MACROD2: variants seen among roughly 807,000 people sequenced by gnomAD.
MACROD2 encodes the protein mono-ADP ribosylhydrolase 2.
MACROD2 carries 36 observed loss-of-function variants against 70.4 expected under a neutral mutation model. The observed-to-expected ratio is 0.51, with a 90% CI of 0.39 to 0.68. The LOEUF (loss-of-function observed/expected upper bound fraction) is 0.68, where lower values mean the gene tolerates loss of function less well. Among genes scored for constraint, MACROD2 ranks in the 30% least tolerant of loss-of-function variants. The pLI is 0.00. For missense variants in MACROD2, 496 were observed against 538.4 expected, an observed-to-expected ratio of 0.92 and a Z score of 0.78; for synonymous variants, 172 against 178.8, an observed-to-expected ratio of 0.96 and a Z score of 0.30.
At chr20:15,989,756 T>G (rs1348457070) in intron 15 of MACROD2, among the ~76,000 whole-genome samples, 1 of 152,096 alleles carries the variant, frequency 6.6e-6, no homozygotes, top group Non-Finnish European at 1.5e-5. Context: ...TGTAAAGATA[T>G]TCTTTATAGC....
At chr20:15,439,744 C>G (rs1253536614) in intron 7 of MACROD2, among the ~76,000 whole-genome samples, 1 of 152,178 alleles carries the variant, frequency 6.6e-6, no homozygotes, top group Non-Finnish European at 1.5e-5. Context: ...AGCACTGTTG[C>G]TACTCCAACG....
At chr20:14,519,002 G>C (rs961120101) in intron 4 of MACROD2, among the ~76,000 whole-genome samples, 4 of 152,074 alleles carry the variant, frequency 2.6e-5, no homozygotes, top group African/African-American at 7.2e-5. Flanking sequence ...AAGTTATTCA[G>C]CCCCTAGAAA....
chr20:15,021,197 C>T (rs1442347092), intron 5 of MACROD2, among the ~76,000 whole-genome samples: 3 of 111,630 alleles, frequency 2.7e-5, no homozygotes, highest in African/African-American at 1.1e-4. Flanking sequence ...TATACACACA[C>T]CTGTGTGTAT....
intron 8 of MACROD2, among the ~76,000 whole-genome samples, chr20:15,810,079 T>A (rs2147085393): frequency 6.8e-6 from 1 of 147,682 alleles, no homozygotes; most frequent in African/African-American, 2.5e-5. Flanking sequence ...GTGTTCTCAT[T>A]GTTCAATTCC....
In MACROD2 at chr20:14,366,414, C is replaced by T. The variant is rs138895773; in HGVS notation, c.272-127065C>T. 3.7e-3 allele frequency among the ~76,000 whole-genome samples: 539 copies of T among 146,214 alleles called. 3 individuals are homozygous for T. The highest frequency in any genetic ancestry group is 0.013 in the African/African-American group (519 of 39,726). ...GACTGAGTCTCACTCTGTCGCCAGG[C>T]TGGAGGCAGTGGCGCAATTTTGGCT... On this transcript the variant is annotated intron_variant, in intron 3 of 17. Transcript: ENST00000684519.
chr20:15,031,309 T>A (rs1337586687), intron 5 of MACROD2, among the ~76,000 whole-genome samples: 3 of 152,178 alleles, frequency 2.0e-5, no homozygotes, highest in Admixed American at 6.5e-5. Flanking sequence ...AGCTCTTCTC[T>A]CCTTCCCGTC....
At chr20:14,895,502 G>C (rs1030003311) in intron 5 of MACROD2, 5 of 152,264 alleles carry the variant, frequency 3.3e-5, no homozygotes, top group African/African-American at 1.2e-4. Context: ...GTGGTGGAAA[G>C]GAAAATGTAG....
intron 5 of MACROD2, among the ~76,000 whole-genome samples, chr20:14,864,594 A>G (rs930730410): frequency 2.0e-5 from 3 of 152,102 alleles, no homozygotes; most frequent in East Asian, 1.9e-4. Context: ...TCTTTTCCCT[A>G]TAGAGAAATA....
intron 2 of MACROD2, among the ~76,000 whole-genome samples, chr20:14,011,916 C>CT (rs894015791): frequency 9.4e-5 from 14 of 149,566 alleles, no homozygotes; most frequent in African/African-American, 1.2e-4. Flanking sequence ...TGCGACTTTT[C>CT]TTTTTTTTTA....
At chr20:15,078,094 TA>T (rs778447133) in intron 5 of MACROD2, among the ~76,000 whole-genome samples, 44 of 152,208 alleles carry the variant, frequency 2.9e-4, no homozygotes, top group Non-Finnish European at 4.1e-4. Context: ...GCATTCTTCA[TA>T]AAAAGTGAGC....
chr20:14,600,874 C>T (rs1419836346), intron 4 of MACROD2, among the ~76,000 whole-genome samples: 1 of 152,166 alleles, frequency 6.6e-6, no homozygotes, highest in Non-Finnish European at 1.5e-5. Flanking sequence ...CATTTCTTTG[C>T]TCTGAAGGTA....
intron 2 of MACROD2, among the ~76,000 whole-genome samples, chr20:14,027,545 G>T (rs1374667132): frequency 6.6e-6 from 1 of 152,078 alleles, no homozygotes; most frequent in East Asian, 1.9e-4. Flanking sequence ...GAGGCATTCT[G>T]GTTTTCGGAA....
intron 5 of MACROD2, among the ~76,000 whole-genome samples, chr20:15,196,434 C>A (rs2076607070): frequency 6.6e-6 from 1 of 151,882 alleles, no homozygotes; most frequent in South Asian, 2.1e-4. Flanking sequence ...GCAATTTTAC[C>A]CGAGATGTTA....
intron 3 of MACROD2, among the ~76,000 whole-genome samples, chr20:14,484,300 T>G (rs1402396468): frequency 6.6e-6 from 1 of 152,134 alleles, no homozygotes; most frequent in Non-Finnish European, 1.5e-5. Flanking sequence ...ATTTTTAATT[T>G]TTGTGGGTAC....
At chr20:14,214,699 G>A (rs539660333) in intron 3 of MACROD2, among the ~76,000 whole-genome samples, 12 of 149,190 alleles carry the variant, frequency 8.0e-5, no homozygotes, top group Non-Finnish European at 1.2e-4. Context: ...TGGTGCACCC[G>A]TCACCCGAGC....
chr20:14,281,567 G>A (rs1479367901), intron 3 of MACROD2, among the ~76,000 whole-genome samples: 1 of 152,014 alleles, frequency 6.6e-6, no homozygotes, highest in South Asian at 2.1e-4. Context: ...TTTTTTTAAA[G>A]GTCATCTTGG....
intron 2 of MACROD2, among the ~76,000 whole-genome samples, chr20:14,020,477 AAAAAT>A (rs2053060268): frequency 6.6e-6 from 1 of 152,186 alleles, no homozygotes; most frequent in South Asian, 2.1e-4. Context: ...CCATCTCAAA[AAAAAT>A]AAAATTAAAT....
At chr20:15,424,387 G>A (rs1375023433) in intron 6 of MACROD2, among the ~76,000 whole-genome samples, 1 of 152,144 alleles carries the variant, frequency 6.6e-6, no homozygotes, top group Non-Finnish European at 1.5e-5. Flanking sequence ...TTAACGGCAT[G>A]ATGGCACAAC....
chr20:15,463,923 A>G (rs1283818508), intron 7 of MACROD2, among the ~76,000 whole-genome samples: 1 of 152,188 alleles, frequency 6.6e-6, no homozygotes, highest in African/African-American at 2.4e-5. Flanking sequence ...TTTTTCTCTC[A>G]AGACAAATTG....
Sources: allele counts gnomAD v4.1 joint callset (sites outside exome capture counted in the v4.1 genomes callset), GRCh38; gene constraint gnomAD v4.1.1; transcripts MANE v1.5; gene names NCBI Gene and HGNC (gene_info 2026-07-23, HGNC 2026-07-21).